Variants in DLG1 observed in about 807,000 individuals in gnomAD.
DLG1 encodes the protein disks large homolog 1.
DLG1 carries 42 observed loss-of-function variants against 123.4 expected under a neutral mutation model. The ratio of observed to expected loss-of-function variants is 0.34; its 90% CI spans 0.27 to 0.44. The LOEUF is 0.44. Ranked by LOEUF, DLG1 falls within the 20% of genes least tolerant of loss-of-function variation. DLG1 has a pLI of 1.00. For synonymous variants in DLG1, 317 were observed against 356.2 expected, an observed-to-expected ratio of 0.89 and a Z score of 1.24; for missense variants, 942 against 1,082.6, an observed-to-expected ratio of 0.87 and a Z score of 1.82.
At chr3:197,184,906 G>A (rs148274362) in intron 5 of DLG1, among the ~76,000 whole-genome samples, 2 of 152,226 alleles carry the variant, frequency 1.3e-5, no homozygotes, top group Non-Finnish European at 2.9e-5. Context: ...TGCCTGGGGC[G>A]CTAGTTATAT....
In DLG1 at chr3:197,105,052, A is replaced by G; in HGVS notation, c.1444-47T>C. On this transcript the variant is annotated intron_variant, in intron 13 of 24. Transcript: ENST00000667157. ...AATTTGGGAGAAAAGAATCACTGTG[A>G]TTAGAAATCACAATAGTCTATTCTT... 3.2e-6 allele frequency: 4 copies of G among 1,257,366 alleles called. No homozygotes were observed. The South Asian group carries it at 3.9e-5, about 12-fold the overall frequency. 77.9% of individuals were successfully genotyped at this position (1,257,366 alleles called of 1,614,324 possible). A position where few individuals can be genotyped will look rare whatever the true frequency, so the allele number is the denominator to read the frequency against.
At chr3:197,065,621 T>TA in intron 21 of DLG1, 87 bp downstream of exon 21, 1 of 1,074,880 alleles carries the variant, frequency 9.3e-7, no homozygotes, top group Non-Finnish European at 1.4e-6. Context: ...TACAAACCAT[T>TA]AAAAAATGGT....
chr3:197,055,522 T>A (rs920569143), intron 23 of DLG1, among the ~76,000 whole-genome samples: 3 of 152,242 alleles, frequency 2.0e-5, no homozygotes, highest in African/African-American at 7.2e-5. Context: ...AATTTAATTT[T>A]ATTGTTTACT....
chr3:197,065,809 A>C lies in DLG1; in HGVS notation c.2099T>G (p.Val700Gly). 1 of 1,533,820 alleles carries C rather than the reference A, an allele frequency of 6.5e-7. No homozygotes were observed. The highest frequency in any genetic ancestry group is 9.0e-7 in the Non-Finnish European group (1 of 1,113,088). The change falls in exon 21 of 25, where the codon GTT becomes GGT. Residue 700 changes from valine (V) to glycine (G), a missense_variant and splice_region_variant. Coordinates refer to ENST00000667157, the MANE Select transcript of DLG1 (RefSeq NM_001366207.1). The part of the protein sequence containing the change: ...LSYEPVNQQE[V>G]NYTRPVIILG... ...TATGATCACTGGTCGAGTATAATTA[A>C]CTATAAAGATAAACTGCATGTTAAA...
chr3:197,211,610 T>A (rs1041569029), intron 4 of DLG1, among the ~76,000 whole-genome samples: 1 of 146,470 alleles, frequency 6.8e-6, no homozygotes, highest in East Asian at 2.0e-4. Flanking sequence ...AAAAAACAGA[T>A]GCTGGTGAGG....
At chr3:197,055,260 C>T (rs910842591) in intron 23 of DLG1, among the ~76,000 whole-genome samples, 1 of 152,188 alleles carries the variant, frequency 6.6e-6, no homozygotes, top group African/African-American at 2.4e-5. Flanking sequence ...CTATCACTTT[C>T]TTGAGACTTT....
chr3:197,045,176 G>A (rs530260503), intron 24 of DLG1, among the ~76,000 whole-genome samples: 5 of 148,034 alleles, frequency 3.4e-5, no homozygotes, highest in Non-Finnish European at 5.9e-5. Context: ...ACTTTTTTCA[G>A]TTAAGCTAGC....
At chr3:197,070,657 TC>T (rs1743247326) in intron 18 of DLG1, 1 of 146,136 alleles carries the variant, frequency 6.8e-6, no homozygotes, top group Non-Finnish European at 1.5e-5. Flanking sequence ...AACCTCTGCC[TC>T]CTAGGTTTAA....
Position 197,130,795 on chromosome 3 carries a change from A to G in DLG1, c.1021-124T>C, listed in dbSNP as rs186421506. The stretch of plus-strand genomic sequence containing the variant: ...AAGGAAAATAAAGGTATGCCGAAAG[A>G]AAATACCCATGTTTGATGTCTATGA... On this transcript the variant is annotated intron_variant, in intron 10 of 24. Coordinates refer to ENST00000667157, the MANE Select transcript of DLG1 (RefSeq NM_001366207.1). The G allele has an allele frequency of 8.6e-6, 6 of 696,282 alleles. No individual in the cohort carries two copies. In the East Asian group the frequency reaches 1.7e-4, roughly 19 times the overall value. 43.1% of individuals were successfully genotyped at this position (696,282 alleles called of 1,614,324 possible).
intron 5 of DLG1, among the ~76,000 whole-genome samples, chr3:197,156,031 C>A (rs914693220): frequency 2.6e-5 from 4 of 152,132 alleles, no homozygotes; most frequent in Non-Finnish European, 4.4e-5. Context: ...AGTTTAAAAG[C>A]TAACATTATA....
At chr3:197,257,424 A>G (rs777672017) in intron 4 of DLG1, among the ~76,000 whole-genome samples, 2 of 152,168 alleles carry the variant, frequency 1.3e-5, no homozygotes, top group African/African-American at 2.4e-5. Flanking sequence ...TTACCCATAT[A>G]AAGAATCACC....
intron 5 of DLG1, 67 bp from the exon 6 acceptor site, chr3:197,149,863 T>C: frequency 1.1e-6 from 1 of 927,942 alleles, no homozygotes; most frequent in Non-Finnish European, 1.8e-6. Flanking sequence ...TTCACAATGT[T>C]AGAGGCATAG....
chr3:197,285,334 T>C (rs1422058675), intron 3 of DLG1, among the ~76,000 whole-genome samples: 1 of 151,792 alleles, frequency 6.6e-6, no homozygotes, highest in Non-Finnish European at 1.5e-5. Flanking sequence ...ACTAAAGAAA[T>C]AAGGCAATAC....
chr3:197,198,405 T>A (rs12630261), intron 4 of DLG1, among the ~76,000 whole-genome samples: 36,302 of 149,384 alleles, frequency 0.24, 5,537 homozygotes, highest in East Asian at 0.72. Context: ...GAGAATCGTT[T>A]GAAGCCGGGA....
chr3:197,125,383 G>C (rs1290285664), intron 11 of DLG1, among the ~76,000 whole-genome samples: 1 of 152,188 alleles, frequency 6.6e-6, no homozygotes, highest in Non-Finnish European at 1.5e-5. Flanking sequence ...GAGTTTGCCT[G>C]CACCAGTGTT....
At chr3:197,266,826 C>T (rs886728885) in intron 4 of DLG1, among the ~76,000 whole-genome samples, 2 of 152,118 alleles carry the variant, frequency 1.3e-5, no homozygotes, top group Non-Finnish European at 1.5e-5. Context: ...GAACTGCAGA[C>T]AAAGTCAACC....
intron 4 of DLG1, among the ~76,000 whole-genome samples, chr3:197,263,499 T>C (rs958000737): frequency 1.3e-5 from 2 of 152,158 alleles, no homozygotes; most frequent in Non-Finnish European, 2.9e-5. Flanking sequence ...CAAGAATGTC[T>C]CATGAGGCTG....
At chr3:197,142,944 G>C in intron 6 of DLG1, 176 bp from the exon 7 acceptor site, 1 of 586,486 alleles carries the variant, frequency 1.7e-6, no homozygotes, top group Non-Finnish European at 3.0e-6. Flanking sequence ...AAATACAAAT[G>C]TGATTAATGA....
intron 24 of DLG1, among the ~76,000 whole-genome samples, chr3:197,051,143 G>A (rs1727337667): frequency 6.6e-6 from 1 of 152,174 alleles, no homozygotes; most frequent in Non-Finnish European, 1.5e-5. Flanking sequence ...ACAGGCTGAG[G>A]CAGGTGGATC....
Sources: allele counts gnomAD v4.1 joint callset (sites outside exome capture counted in the v4.1 genomes callset), GRCh38; gene constraint gnomAD v4.1.1; transcripts MANE v1.5; gene names NCBI Gene and HGNC (gene_info 2026-07-23, HGNC 2026-07-21).